Variants in APBA2 observed in about 807,000 individuals in gnomAD.
APBA2 encodes the protein amyloid beta precursor protein binding family A member 2, also known as amyloid-beta A4 precursor protein-binding family A member 2.
In APBA2, 30 loss-of-function variants were observed where a neutral mutation model predicts 75.0. The observed-to-expected ratio is 0.40, with a 90% confidence interval of 0.30 to 0.54. The LOEUF (loss-of-function observed/expected upper bound fraction) is 0.54. Among genes scored for constraint, APBA2 ranks in the 20% least tolerant of loss-of-function variants. The pLI is 0.49. For synonymous variants in APBA2, 444 were observed against 409.6 expected, an observed-to-expected ratio of 1.08 and a Z score of -1.01; for missense variants, 801 against 1,016.1, an observed-to-expected ratio of 0.79 and a Z score of 2.88.
intron 4 of APBA2, among the ~76,000 whole-genome samples, chr15:29,071,813 C>T (rs907606413): frequency 5.9e-5 from 9 of 151,708 alleles, no homozygotes; most frequent in East Asian, 1.9e-4. Flanking sequence ...AGTGGACACC[C>T]GCTTGGGAGG....
intron 6 of APBA2, among the ~76,000 whole-genome samples, chr15:29,089,660 C>T (rs189691395): frequency 6.6e-6 from 1 of 152,344 alleles, no homozygotes. Flanking sequence ...CCCCTTCCCT[C>T]TCCAGAGGGC....
intron 2 of APBA2, among the ~76,000 whole-genome samples, chr15:28,928,170 G>A (rs938486497): frequency 6.7e-5 from 10 of 149,218 alleles, no homozygotes; most frequent in Non-Finnish European, 1.2e-4. Context: ...GAAACATGTT[G>A]TCCTTTTTGT....
chr15:29,101,857 G>A (rs2044144942), intron 10 of APBA2, 73 bp downstream of exon 10: 15 of 1,488,646 alleles, frequency 1.0e-5, no homozygotes, highest in South Asian at 8.4e-5. Flanking sequence ...TCCAGGCGCT[G>A]TGGAAACCAC....
intron 2 of APBA2, among the ~76,000 whole-genome samples, chr15:28,980,432 C>T (rs1340574263): frequency 6.6e-6 from 1 of 152,110 alleles, no homozygotes; most frequent in African/African-American, 2.4e-5. Context: ...TTTCTCTACA[C>T]CAATAATGTT....
At position 28,993,823 on chromosome 15, in the gene APBA2, C is replaced by T. The variant is rs141007379; in HGVS notation, c.-94-1930C>T. ...TGGGAAACAGTCCTGAGACAGGCTCCGGGTTTCCTGAGGCGCTTCTGGGCC... is the reference window on the plus strand; with the variant it reads ...TGGGAAACAGTCCTGAGACAGGCTCTGGGTTTCCTGAGGCGCTTCTGGGCC... On this transcript the variant is annotated intron_variant, in intron 2 of 14. Transcript: ENST00000683413. 1.2e-3 allele frequency among the ~76,000 whole-genome samples: 182 copies of T among 152,212 alleles called. 1 individual carries two copies. Among genetic ancestry groups the T allele is most frequent in the South Asian group, 8.5e-3 (41 of 4,820 alleles).
Position 29,107,762 on chromosome 15 carries a change from G to A in APBA2, c.1918-508G>A, listed in dbSNP as rs546200211. ...CCCCACCGGACCCCGGCGGCCTGGC[G>A]CACCCGCTGACAATTGCGTCCTCAC... On this transcript the variant is annotated intron_variant, in intron 12 of 14. Transcript: ENST00000683413. Among the ~76,000 whole-genome samples, 16 of 152,280 alleles carry A rather than the reference G, an allele frequency of 1.1e-4. No individual in the cohort carries two copies. In the South Asian group the frequency reaches 1.7e-3, roughly 16 times the overall value.
intron 1 of APBA2, among the ~76,000 whole-genome samples, chr15:28,917,706 ATGT>A (rs2033749294): frequency 6.6e-6 from 1 of 152,214 alleles, no homozygotes; most frequent in African/African-American, 2.4e-5. Context: ...TTCACTCTTC[ATGT>A]TGTATATTTT....
chr15:29,105,591 C>T (rs2044360021), intron 11 of APBA2, 33 bp downstream of exon 11: 1 of 1,610,070 alleles, frequency 6.2e-7, no homozygotes, highest in South Asian at 1.1e-5. Context: ...AGGGAGGCCA[C>T]ATTTGCCAGC....
intron 2 of APBA2, among the ~76,000 whole-genome samples, chr15:28,951,881 CTTTTTTTTTTTTT>C (rs71414600): frequency 9.1e-6 from 1 of 109,824 alleles, no homozygotes; most frequent in African/African-American, 3.8e-5. Context: ...TGCACTCAGC[CTTTTTTTTTTTTT>C]TTTTTTTTTT....
At chr15:29,011,124 A>T (rs1357773882) in intron 3 of APBA2, among the ~76,000 whole-genome samples, 1 of 152,166 alleles carries the variant, frequency 6.6e-6, no homozygotes, top group Non-Finnish European at 1.5e-5. Context: ...TTTGCTTAGT[A>T]CAGTGTCCTC....
At position 28,942,038 on chromosome 15, in the gene APBA2, CGTGAG is replaced by C. The variant is rs2035262946; in HGVS notation, c.-95+20290_-95+20294del. On this transcript the variant is annotated intron_variant, in intron 2 of 14. Transcript: ENST00000683413. ...CCTCCTAAAGTGCTGGGATTACAGGCGTGAGCCACTGCGCCTGGCCTCATAGCCAT... is the reference window on the plus strand; with the variant it reads ...CCTCCTAAAGTGCTGGGATTACAGGCCCACTGCGCCTGGCCTCATAGCCAT... Among the ~76,000 whole-genome samples, 5 of 152,232 alleles carry C rather than the reference CGTGAG, an allele frequency of 3.3e-5. No individual in the cohort carries two copies. The South Asian group carries it at 1.0e-3, about 32-fold the overall frequency.
rs2045307082 is a variant in APBA2 at position 29,117,913 on chromosome 15, C to T, written c.*780C>T. The T allele has an allele frequency of 1.5e-5, 2 of 133,958 alleles. No homozygotes were observed. Among genetic ancestry groups the T allele is most frequent in the African/African-American group, 2.8e-5 (1 of 35,636 alleles). 8.3% of individuals were successfully genotyped at this position (133,958 alleles called of 1,614,324 possible). On this transcript the variant is annotated 3_prime_UTR_variant, in exon 15 of 15. Transcript: ENST00000683413. The stretch of plus-strand genomic sequence containing the variant: ...CAAGGAGGGCACAGGTGTCTGCCCC[C>T]TCTTTAAAATCGATCTACACACATC...
At position 29,057,563 on chromosome 15, in the gene APBA2, T is replaced by C. The variant is rs960915001; in HGVS notation, c.951+2728T>C. Among the ~76,000 whole-genome samples, 4 of 152,228 alleles carry C rather than the reference T, an allele frequency of 2.6e-5. No homozygotes were observed. The East Asian group carries it at 7.7e-4, about 29-fold the overall frequency. On this transcript the variant is annotated intron_variant, in intron 4 of 14. Coordinates refer to ENST00000683413, the MANE Select transcript of APBA2 (RefSeq NM_001353788.2). ...AGACCATAGCATTGAGCATAAATGA[T>C]GTACGTAGCTGTCATCATAACCCAG...
intron 2 of APBA2, among the ~76,000 whole-genome samples, chr15:28,981,998 A>G (rs2037647997): frequency 6.6e-6 from 1 of 152,202 alleles, no homozygotes. Context: ...AAGGACTACT[A>G]GAGGGCAGAG....
chr15:29,044,041 T>C (rs1010309138), intron 3 of APBA2, among the ~76,000 whole-genome samples: 1 of 152,216 alleles, frequency 6.6e-6, no homozygotes, highest in African/African-American at 2.4e-5. Context: ...AATAATATTA[T>C]CTTTACAACA....
chr15:29,047,835 T>C (rs2041411341), intron 3 of APBA2, among the ~76,000 whole-genome samples: 1 of 152,174 alleles, frequency 6.6e-6, no homozygotes, highest in South Asian at 2.1e-4. Context: ...AAAATCAATA[T>C]CATTTTTTTT....
chr15:28,918,185 C>T lies in APBA2; in HGVS notation c.-204-3455C>T, dbSNP rs2033775712. Among the ~76,000 whole-genome samples the T allele has an allele frequency of 6.6e-6, 1 of 152,202 alleles. No homozygotes were observed. The highest frequency in any genetic ancestry group is 1.5e-5 in the Non-Finnish European group (1 of 68,046). ...GTTTTGCAGCGTTGCCTGCGGTCTCCGTGGGTGAGGGAAAAGGCACAGGGA... is the reference window on the plus strand; with the variant it reads ...GTTTTGCAGCGTTGCCTGCGGTCTCTGTGGGTGAGGGAAAAGGCACAGGGA... On this transcript the variant is annotated intron_variant, in intron 1 of 14. Coordinates refer to ENST00000683413, the MANE Select transcript of APBA2 (RefSeq NM_001353788.2). The surrounding 1 kb of genome is among the most constrained non-coding windows in gnomAD (Gnocchi z 4.2).
At chr15:29,067,922 C>T (rs1260335209) in intron 4 of APBA2, among the ~76,000 whole-genome samples, 1 of 152,088 alleles carries the variant, frequency 6.6e-6, no homozygotes, top group African/African-American at 2.4e-5. Context: ...CTGTGGACTC[C>T]TCGTATTAGG....
At chr15:29,090,534 G>A (rs1407967788) in intron 6 of APBA2, among the ~76,000 whole-genome samples, 1 of 152,228 alleles carries the variant, frequency 6.6e-6, no homozygotes, top group Non-Finnish European at 1.5e-5. Context: ...AGGGAGGGCT[G>A]GCCTCCCAGC....
Sources: gnomAD v4.1 joint callset for allele counts (sites outside exome capture counted in the v4.1 genomes callset) on GRCh38, gnomAD v4.1.1 for gene constraint, Gnocchi (gnomAD v3.1) non-coding constraint, MANE v1.5 for transcripts, NCBI Gene and HGNC (gene_info 2026-07-23, HGNC 2026-07-21) for gene names.